PRUNE2: variants seen among roughly 807,000 people sequenced by gnomAD.
PRUNE2 encodes prune homolog 2 with BCH domain.
PRUNE2 carries 164 observed loss-of-function variants against 252.0 expected under a neutral mutation model. The ratio of observed to expected loss-of-function variants is 0.65; its 90% CI spans 0.57 to 0.74. The LOEUF (loss-of-function observed/expected upper bound fraction) is 0.74, where lower values mean the gene tolerates loss of function less well. PRUNE2 is among the 30% of genes least tolerant of loss of function. The pLI, the probability that PRUNE2 is intolerant of heterozygous loss-of-function variation, is 0.00. For missense variants in PRUNE2, 3,495 were observed against 3,711.0 expected, an observed-to-expected ratio of 0.94 and a Z score of 1.51; for synonymous variants, 1,292 against 1,350.2, an observed-to-expected ratio of 0.96 and a Z score of 0.94.
intron 6 of PRUNE2, among the ~76,000 whole-genome samples, chr9:76,747,192 G>A (rs1192577990): frequency 6.6e-6 from 1 of 152,272 alleles, no homozygotes; most frequent in South Asian, 2.1e-4. Context: ...ATACCGCCAC[G>A]CATCTGGTGT....
At chr9:76,667,845 T>C (rs1481563695) in intron 9 of PRUNE2, among the ~76,000 whole-genome samples, 27 of 152,240 alleles carry the variant, frequency 1.8e-4, no homozygotes, top group Admixed American at 1.6e-3. Flanking sequence ...CTGAGCTCTG[T>C]TGTCCTAGCA....
chr9:76,619,195 T>G (rs1202283655), intron 18 of PRUNE2, 145 bp downstream of exon 18: 1 of 590,116 alleles, frequency 1.7e-6, no homozygotes, highest in Non-Finnish European at 3.0e-6. Context: ...CAAATATAGC[T>G]TCAGGTTTCT....
chr9:76,859,017 G>A (rs1341967795), intron 1 of PRUNE2, among the ~76,000 whole-genome samples: 34 of 152,076 alleles, frequency 2.2e-4, no homozygotes, highest in Admixed American at 2.2e-3. Context: ...ACCTACACAA[G>A]CACACCAAGC....
At chr9:76,662,422 T>C (rs2039275538) in intron 9 of PRUNE2, among the ~76,000 whole-genome samples, 1 of 152,228 alleles carries the variant, frequency 6.6e-6, no homozygotes, top group Admixed American at 6.5e-5. Flanking sequence ...AATGCAGAAC[T>C]TTTGGACATA....
intron 3 of PRUNE2, among the ~76,000 whole-genome samples, chr9:76,847,414 A>G (rs1049823691): frequency 3.3e-5 from 5 of 151,736 alleles, no homozygotes; most frequent in African/African-American, 4.9e-5. Flanking sequence ...TCCCCATTGT[A>G]TAAGTTTTTT....
chr9:76,699,038 A>T (rs978841481), intron 9 of PRUNE2, among the ~76,000 whole-genome samples: 6 of 32,662 alleles, frequency 1.8e-4, no homozygotes, highest in Admixed American at 2.8e-4. Flanking sequence ...TCCCCACCCC[A>T]CCCCCACCCC....
chr9:76,715,232 G>A (rs1273469412), intron 6 of PRUNE2, among the ~76,000 whole-genome samples: 5 of 152,172 alleles, frequency 3.3e-5, no homozygotes, highest in African/African-American at 1.2e-4. Flanking sequence ...TTTGAAACTC[G>A]TGGATTGGGT....
intron 6 of PRUNE2, among the ~76,000 whole-genome samples, chr9:76,724,796 C>T (rs1381405312): frequency 6.6e-6 from 1 of 152,152 alleles, no homozygotes; most frequent in Non-Finnish European, 1.5e-5. Flanking sequence ...AAACTTTCCT[C>T]TATTGGATGG....
At chr9:76,729,324 G>T (rs1486711709) in intron 6 of PRUNE2, among the ~76,000 whole-genome samples, 1 of 152,156 alleles carries the variant, frequency 6.6e-6, no homozygotes, top group African/African-American at 2.4e-5. Context: ...GTAGGTCTGG[G>T]GCTGTTAGTT....
At chr9:76,671,034 C>T (rs142671919) in intron 9 of PRUNE2, among the ~76,000 whole-genome samples, 2,779 of 152,238 alleles carry the variant, frequency 0.018, 75 homozygotes, top group African/African-American at 0.063. Context: ...TCACCTGCAA[C>T]GGAATAAAGC....
chr9:76,693,256 C>T (rs188587069), intron 9 of PRUNE2, among the ~76,000 whole-genome samples: 2 of 151,078 alleles, frequency 1.3e-5, no homozygotes, highest in Admixed American at 6.6e-5. Context: ...AACTAAATAT[C>T]CAATGTTACA....
chr9:76,671,297 G>T (rs1338599444), intron 9 of PRUNE2, among the ~76,000 whole-genome samples: 1 of 148,500 alleles, frequency 6.7e-6, no homozygotes, highest in African/African-American at 2.5e-5. Context: ...GGAAGAAAGG[G>T]TATCAGCGAT....
chr9:76,823,861 AACAC>A (rs113326644), intron 5 of PRUNE2, 135 bp from the exon 6 acceptor site: 7 of 603,230 alleles, frequency 1.2e-5, no homozygotes, highest in Admixed American at 2.8e-5. Context: ...ATCCACAATA[AACAC>A]ACACACACAC....
intron 1 of PRUNE2, among the ~76,000 whole-genome samples, chr9:76,875,037 G>A (rs546435764): frequency 7.9e-5 from 12 of 151,518 alleles, no homozygotes; most frequent in South Asian, 2.1e-4. Context: ...CTTTTCTCCC[G>A]CTACACACAC....
At chr9:76,681,190 C>T (rs1564020648) in intron 9 of PRUNE2, among the ~76,000 whole-genome samples, 2 of 151,680 alleles carry the variant, frequency 1.3e-5, no homozygotes, top group Admixed American at 1.3e-4. Flanking sequence ...AAAAACAAAA[C>T]AAAAAACCAT....
chr9:76,830,223 A>G (rs2058591238), intron 4 of PRUNE2, among the ~76,000 whole-genome samples: 2 of 152,218 alleles, frequency 1.3e-5, no homozygotes, highest in South Asian at 4.1e-4. Context: ...AGAGATGGAG[A>G]AATGGAGCAA....
intron 6 of PRUNE2, among the ~76,000 whole-genome samples, chr9:76,810,124 G>C (rs1375750311): frequency 6.6e-6 from 1 of 152,182 alleles, no homozygotes; most frequent in African/African-American, 2.4e-5. Flanking sequence ...CAGAGAAACT[G>C]AAAACTAGAT....
chr9:76,725,397 T>A (rs1045611964), intron 6 of PRUNE2, among the ~76,000 whole-genome samples: 1 of 152,178 alleles, frequency 6.6e-6, no homozygotes, highest in Non-Finnish European at 1.5e-5. Context: ...TCAGTACAGT[T>A]TGGGATTCGT....
chr9:76,750,439 G>GA (rs1242845336), intron 6 of PRUNE2, among the ~76,000 whole-genome samples: 1 of 151,974 alleles, frequency 6.6e-6, no homozygotes, highest in East Asian at 1.9e-4. Flanking sequence ...CTTGGTGTGG[G>GA]AAAAAAACAC....
Sources: allele counts gnomAD v4.1 joint callset (sites outside exome capture counted in the v4.1 genomes callset), GRCh38; gene constraint gnomAD v4.1.1; transcripts MANE v1.5; gene names NCBI Gene and HGNC (gene_info 2026-07-23, HGNC 2026-07-21).